PSD3: variants seen among roughly 807,000 people sequenced by gnomAD.
The protein encoded by PSD3 is pleckstrin and Sec7 domain containing 3.
Under a neutral mutation model 105.5 loss-of-function variants are expected in PSD3, and 49 were observed. The ratio of observed to expected loss-of-function variants is 0.46; its 90% CI spans 0.37 to 0.59. The LOEUF is 0.59. PSD3 is among the 20% of genes least tolerant of loss of function. The pLI, the probability that PSD3 is intolerant of heterozygous loss-of-function variation, is 0.00. For synonymous variants in PSD3, 557 were observed against 457.8 expected (o/e 1.22, Z -2.77); for missense variants, 1,561 against 1,263.8 (o/e 1.24, Z -3.57).
intron 11 of PSD3, among the ~76,000 whole-genome samples, chr8:18,616,836 G>A (rs1442807833): frequency 6.6e-6 from 1 of 151,464 alleles, no homozygotes; most frequent in East Asian, 2.0e-4. Context: ...TTTTAGCCGG[G>A]ATGGTCTCGA....
chr8:18,620,414 T>G lies in PSD3; in HGVS notation c.2410+12199A>C, dbSNP rs193179062. ...CAGAATAAACCTCTTTAAGATATTT[T>G]ATGGAGTTTGGAGGGCCAGGCATGG... On this transcript the variant is annotated intron_variant, in intron 11 of 15. Transcript: ENST00000327040. 1.1e-4 allele frequency among the ~76,000 whole-genome samples: 17 copies of G among 151,782 alleles called. No homozygotes were observed. In the East Asian group the frequency reaches 3.1e-3, roughly 28 times the overall value.
chr8:18,921,680 G>A (rs1821030784), intron 2 of PSD3, among the ~76,000 whole-genome samples: 1 of 152,180 alleles, frequency 6.6e-6, no homozygotes, highest in Admixed American at 6.5e-5. Flanking sequence ...GCTACTTGGG[G>A]TTGCAAAGTG....
At chr8:19,057,357 G>T (rs1239992812) in intron 1 of PSD3, among the ~76,000 whole-genome samples, 1 of 152,070 alleles carries the variant, frequency 6.6e-6, no homozygotes, top group East Asian at 1.9e-4. Context: ...TTGACCTCTT[G>T]TCAAGGTCTC....
intron 9 of PSD3, chr8:18,721,315 A>G (rs983233163): frequency 2.7e-5 from 4 of 150,516 alleles, no homozygotes; most frequent in African/African-American, 9.7e-5. Context: ...GAAGGCACCC[A>G]GGGGTGCTAT....
chr8:18,701,072 C>T (rs1004530759), intron 9 of PSD3, among the ~76,000 whole-genome samples: 6 of 151,964 alleles, frequency 3.9e-5, no homozygotes, highest in Non-Finnish European at 8.8e-5. Flanking sequence ...CTTAAGCAAT[C>T]CTCTCACCCC....
chr8:18,630,460 G>A (rs1806815128), intron 11 of PSD3, among the ~76,000 whole-genome samples: 1 of 151,818 alleles, frequency 6.6e-6, no homozygotes, highest in African/African-American at 2.4e-5. Context: ...CAGTGGACAA[G>A]GAAAATTTTA....
chr8:18,849,989 C>T (rs572211389), intron 4 of PSD3, among the ~76,000 whole-genome samples: 27 of 152,318 alleles, frequency 1.8e-4, no homozygotes, highest in Admixed American at 4.6e-4. Flanking sequence ...TCTTGTTTAT[C>T]TTTTCAGCAG....
rs570525747 is a variant in PSD3, at chr8:18,877,639, T to G, written c.131-4906A>C. On this transcript the variant is annotated intron_variant, in intron 2 of 15. Transcript: ENST00000327040. ...TCACTGCAGTGTTGACCTCCTGGACTCAAGCGATCCTCCCACCTCAGACTT... is the reference window on the plus strand; with the variant it reads ...TCACTGCAGTGTTGACCTCCTGGACGCAAGCGATCCTCCCACCTCAGACTT... Among the ~76,000 whole-genome samples, 9 of 151,622 alleles carry G rather than the reference T, an allele frequency of 5.9e-5. No homozygotes were observed. The East Asian group carries it at 1.8e-3, about 30-fold the overall frequency.
chr8:18,792,394 G>A (rs1017895860), intron 8 of PSD3, among the ~76,000 whole-genome samples: 1 of 152,176 alleles, frequency 6.6e-6, no homozygotes, highest in Non-Finnish European at 1.5e-5. Context: ...AAAAGAGAAT[G>A]AGATCATGTC....
At chr8:19,034,493 C>T (rs1174374333) in intron 1 of PSD3, among the ~76,000 whole-genome samples, 1 of 152,172 alleles carries the variant, frequency 6.6e-6, no homozygotes, top group Non-Finnish European at 1.5e-5. Context: ...CACTGCCTTG[C>T]AAAGCAGTAA....
chr8:18,969,542 C>T (rs192612081), intron 1 of PSD3, among the ~76,000 whole-genome samples: 17 of 152,250 alleles, frequency 1.1e-4, no homozygotes, highest in African/African-American at 3.9e-4. Flanking sequence ...TTATTAGTGG[C>T]CATTTCTAAA....
At chr8:18,682,665 G>A (rs1471871255) in intron 9 of PSD3, among the ~76,000 whole-genome samples, 1 of 152,186 alleles carries the variant, frequency 6.6e-6, no homozygotes, top group East Asian at 1.9e-4. Flanking sequence ...TGAATAGGAA[G>A]CCAACATATT....
intron 9 of PSD3, among the ~76,000 whole-genome samples, chr8:18,739,975 T>C (rs1472247219): frequency 2.6e-5 from 4 of 152,310 alleles, no homozygotes; most frequent in Middle Eastern, 3.4e-3. Context: ...TCACAAATAA[T>C]ATAATATCAA....
chr8:18,614,340 T>TCC lies in PSD3; in HGVS notation c.2411-13908_2411-13907dup, dbSNP rs150517140. ...GAGCAGATTAACCCCTTCTCCCCCATCCCCCCCCCAAAAAAATCAGATGTC... is the reference window on the plus strand; with the variant it reads ...GAGCAGATTAACCCCTTCTCCCCCATCCCCCCCCCCCAAAAAAATCAGATGTC... On this transcript the variant is annotated intron_variant, in intron 11 of 15. Transcript: ENST00000327040. Among the ~76,000 whole-genome samples, 177 of 93,642 alleles carry TCC rather than the reference T, an allele frequency of 1.9e-3. 2 individuals are homozygous for TCC. The highest frequency in any genetic ancestry group is 4.5e-3 in the African/African-American group (118 of 26,114). 61.4% of individuals were successfully genotyped at this position (93,642 alleles called of 152,430 possible).
chr8:18,593,984 GGA>G (rs1480058826), intron 12 of PSD3, among the ~76,000 whole-genome samples: 2 of 88,352 alleles, frequency 2.3e-5, no homozygotes, highest in Non-Finnish European at 4.0e-5. Flanking sequence ...TGGGGCGGGG[GGA>G]GGGGGGAGGG....
rs1585889832 is a variant in PSD3, at chr8:18,765,650, G to C, written c.2083-112C>G. The C allele has an allele frequency of 1.6e-5, 15 of 943,718 alleles. No individual in the cohort carries two copies. The East Asian group carries it at 3.8e-4, about 24-fold the overall frequency. The allele number at this position is 943,718 out of a possible 1,614,324, so 58.5% of individuals were successfully genotyped here. ...TGTTTCTAAAAACATAACTAGGCCA[G>C]GTGCGGTGGCTCACGCCTGTAACTT... On this transcript the variant is annotated intron_variant, in intron 8 of 15. Transcript: ENST00000327040.
chr8:18,584,169 A>G (rs1803001443), intron 12 of PSD3, among the ~76,000 whole-genome samples: 1 of 152,224 alleles, frequency 6.6e-6, no homozygotes, highest in Non-Finnish European at 1.5e-5. Context: ...TTTCCAGTGA[A>G]AGAGTGGAAA....
At chr8:18,781,447 T>G (rs1808615830) in intron 8 of PSD3, among the ~76,000 whole-genome samples, 1 of 152,196 alleles carries the variant, frequency 6.6e-6, no homozygotes, top group African/African-American at 2.4e-5. Context: ...CTATTAAATG[T>G]TTCTAAGAAA....
At chr8:18,789,396 T>C (rs1430321043) in intron 8 of PSD3, among the ~76,000 whole-genome samples, 1 of 152,204 alleles carries the variant, frequency 6.6e-6, no homozygotes, top group East Asian at 1.9e-4. Flanking sequence ...TGCTATTCTT[T>C]AATATATTTC....
Sources: gnomAD v4.1 joint callset for allele counts (sites outside exome capture counted in the v4.1 genomes callset) on GRCh38, gnomAD v4.1.1 for gene constraint, MANE v1.5 for transcripts, NCBI Gene and HGNC (gene_info 2026-07-23, HGNC 2026-07-21) for gene names.